The following OPCML variants were observed in gnomAD, a reference collection of about 807,000 sequenced individuals.
OPCML encodes the protein opioid-binding protein/cell adhesion molecule.
OPCML carries 13 observed loss-of-function variants against 37.8 expected under a neutral mutation model. The observed-to-expected ratio is 0.34, with a 90% CI of 0.22 to 0.55. OPCML has a LOEUF of 0.55. Ranked by LOEUF, OPCML falls within the 20% of genes least tolerant of loss-of-function variation. The pLI is 0.91. For synonymous variants in OPCML, 176 were observed against 168.8 expected (o/e 1.04, Z -0.33); for missense variants, 341 against 435.6 (o/e 0.78, Z 1.93).
At chr11:133,091,453 A>G (rs1453220445) in intron 1 of OPCML, among the ~76,000 whole-genome samples, 2 of 152,200 alleles carry the variant, frequency 1.3e-5, no homozygotes, top group African/African-American at 4.8e-5. Context: ...CTCTTCAATA[A>G]TGCAAACTGA....
chr11:133,421,719 G>A lies in OPCML; in HGVS notation c.61+110545C>T, dbSNP rs984183354. The A allele has an allele frequency of 4.1e-6, 4 of 985,202 alleles. No individual in the cohort carries two copies. In the Admixed American group the frequency reaches 2.5e-4, roughly 61 times the overall value. 61.0% of individuals were successfully genotyped at this position (985,202 alleles called of 1,614,324 possible). A position where few individuals can be genotyped will look rare whatever the true frequency, so the allele number is the denominator to read the frequency against. On this transcript the variant is annotated intron_variant, in intron 1 of 7. Transcript: ENST00000524381. The stretch of plus-strand genomic sequence containing the variant: ...TTATTGTGTATTAAGGAATAACCAA[G>A]ATAAACATCCTAGCAAACAAACTGT...
chr11:132,831,561 T>G (rs1940690103), intron 2 of OPCML, among the ~76,000 whole-genome samples: 1 of 152,222 alleles, frequency 6.6e-6, no homozygotes, highest in South Asian at 2.1e-4. Context: ...ACATATTTTC[T>G]TAATTGCCAT....
At chr11:132,949,658 A>C (rs1945817139) in intron 1 of OPCML, among the ~76,000 whole-genome samples, 1 of 152,242 alleles carries the variant, frequency 6.6e-6, no homozygotes, top group African/African-American at 2.4e-5. Flanking sequence ...ATGACAAAAA[A>C]TGTAACACGA....
At chr11:133,385,440 T>C (rs1325233594) in intron 1 of OPCML, among the ~76,000 whole-genome samples, 1 of 152,116 alleles carries the variant, frequency 6.6e-6, no homozygotes, top group South Asian at 2.1e-4. Context: ...TTTGCCTGTA[T>C]AGAAGGCAAA....
chr11:132,660,854 G>A (rs1218406196), intron 2 of OPCML, among the ~76,000 whole-genome samples: 2 of 152,166 alleles, frequency 1.3e-5, no homozygotes, highest in African/African-American at 2.4e-5. Flanking sequence ...CCTGGACGAA[G>A]TGTGAAGTGG....
chr11:132,652,452 A>G (rs983419373), intron 3 of OPCML, among the ~76,000 whole-genome samples: 2 of 151,880 alleles, frequency 1.3e-5, no homozygotes, highest in Non-Finnish European at 1.5e-5. Flanking sequence ...TGTTGTTGGC[A>G]TTGGAGGGAC....
chr11:133,245,756 G>A (rs898462141), intron 1 of OPCML, among the ~76,000 whole-genome samples: 1 of 152,162 alleles, frequency 6.6e-6, no homozygotes, highest in Admixed American at 6.5e-5. Context: ...AGAAAATGTG[G>A]CACATATACA....
At chr11:133,317,784 T>A (rs1472671308) in intron 1 of OPCML, among the ~76,000 whole-genome samples, 1 of 152,218 alleles carries the variant, frequency 6.6e-6, no homozygotes, top group African/African-American at 2.4e-5. Flanking sequence ...ACCTCCAGAT[T>A]CAGTTTCTTA....
intron 4 of OPCML, among the ~76,000 whole-genome samples, chr11:132,463,502 T>C (rs2096109717): frequency 6.6e-6 from 1 of 152,196 alleles, no homozygotes; most frequent in Admixed American, 6.5e-5. Context: ...AGAGCATCTG[T>C]AGTTTACCAA....
chr11:132,682,565 T>C (rs1388708751), intron 2 of OPCML, among the ~76,000 whole-genome samples: 1 of 152,160 alleles, frequency 6.6e-6, no homozygotes, highest in African/African-American at 2.4e-5. Flanking sequence ...AAAGCCTGTT[T>C]AGAACCAAGG....
intron 1 of OPCML, among the ~76,000 whole-genome samples, chr11:133,278,747 A>C (rs1334843071): frequency 1.3e-5 from 2 of 152,198 alleles, no homozygotes; most frequent in African/African-American, 4.8e-5. Context: ...TGATTAAAAA[A>C]AAAATCTGTC....
chr11:133,340,278 C>T (rs1943835125), intron 1 of OPCML, among the ~76,000 whole-genome samples: 1 of 152,072 alleles, frequency 6.6e-6, no homozygotes, highest in Admixed American at 6.6e-5. Flanking sequence ...CCGGGTAATC[C>T]GGCAGTATGC....
At chr11:132,607,661 A>C (rs1938388789) in intron 3 of OPCML, among the ~76,000 whole-genome samples, 1 of 152,250 alleles carries the variant, frequency 6.6e-6, no homozygotes, top group Non-Finnish European at 1.5e-5. Flanking sequence ...CTTGGGTTCC[A>C]GCTTCAGCTC....
At chr11:132,757,301 T>G (rs1386836877) in intron 2 of OPCML, among the ~76,000 whole-genome samples, 1 of 152,248 alleles carries the variant, frequency 6.6e-6, no homozygotes, top group Non-Finnish European at 1.5e-5. Context: ...TACATAATAC[T>G]TTGGGTATAT....
intron 2 of OPCML, among the ~76,000 whole-genome samples, chr11:132,898,838 G>GCCCCCCCCCCCCC (rs57148567): frequency 1.3e-5 from 2 of 149,330 alleles, no homozygotes; most frequent in African/African-American, 5.1e-5. Context: ...AGTTTAGACT[G>GCCCCCCCCCCCCC]CCCCCCCCAC....
intron 1 of OPCML, among the ~76,000 whole-genome samples, chr11:133,525,029 C>T (rs1448997464): frequency 1.3e-5 from 2 of 152,192 alleles, no homozygotes; most frequent in Non-Finnish European, 2.9e-5. Context: ...GCACTGAGAA[C>T]ATATTGGAGA....
At chr11:133,347,223 G>A (rs910930960) in intron 1 of OPCML, among the ~76,000 whole-genome samples, 7 of 152,162 alleles carry the variant, frequency 4.6e-5, no homozygotes, top group African/African-American at 1.4e-4. Context: ...TGGCCTGAGA[G>A]TGGCCTGTTG....
intron 1 of OPCML, among the ~76,000 whole-genome samples, chr11:133,314,271 C>T (rs1215901107): frequency 7.5e-6 from 1 of 132,960 alleles, no homozygotes; most frequent in African/African-American, 2.8e-5. Context: ...AGATTTCAGA[C>T]ATTATAAGAA....
At chr11:133,307,747 T>A (rs1159079987) in intron 1 of OPCML, among the ~76,000 whole-genome samples, 1 of 152,172 alleles carries the variant, frequency 6.6e-6, no homozygotes, top group Non-Finnish European at 1.5e-5. Context: ...ACATTAACTG[T>A]GCCACATTCA....
Sources: allele counts gnomAD v4.1 joint callset (sites outside exome capture counted in the v4.1 genomes callset), GRCh38; gene constraint gnomAD v4.1.1; transcripts MANE v1.5; gene names NCBI Gene and HGNC (gene_info 2026-07-23, HGNC 2026-07-21).